PTAR1: variants seen among roughly 807,000 people sequenced by gnomAD.
PTAR1 encodes the protein protein prenyltransferase alpha subunit repeat-containing protein 1.
In PTAR1, 17 loss-of-function variants were observed where a neutral mutation model predicts 45.5. The ratio of observed to expected loss-of-function variants is 0.37; its 90% CI spans 0.26 to 0.56. The LOEUF is 0.56. Among genes scored for constraint, PTAR1 ranks in the 20% least tolerant of loss-of-function variants. The pLI, the probability that PTAR1 is intolerant of heterozygous loss-of-function variation, is 0.77. For synonymous variants in PTAR1, 169 were observed against 171.3 expected (o/e 0.99, Z 0.11); for missense variants, 391 against 476.3 (o/e 0.82, Z 1.67).
intron 4 of PTAR1, 118 bp downstream of exon 4, chr9:69,734,032 C>A (rs1469544850): frequency 1.6e-6 from 1 of 640,092 alleles, no homozygotes; most frequent in South Asian, 2.0e-5. Context: ...TGTAGGTAAC[C>A]TGACTTCAGA....
intron 1 of PTAR1, among the ~76,000 whole-genome samples, chr9:69,754,720 A>AT (rs1179192330): frequency 1.5e-3 from 39 of 26,644 alleles, no homozygotes; most frequent in East Asian, 7.3e-3. Flanking sequence ...ATATATATAT[A>AT]TATTTTTTTT....
intron 2 of PTAR1, 25 bp downstream of exon 2, chr9:69,750,756 T>C: frequency 6.4e-7 from 1 of 1,565,632 alleles, no homozygotes; most frequent in South Asian, 1.2e-5. Context: ...AAAAACCAAA[T>C]GAAGAAAATA....
In PTAR1 at chr9:69,754,532, C is replaced by CTTTTTTTTTTTTTT. The variant is rs60025062; in HGVS notation, c.87-3596_87-3583dup. 1.1e-3 allele frequency among the ~76,000 whole-genome samples: 87 copies of CTTTTTTTTTTTTTT among 76,266 alleles called. 4 individuals are homozygous for CTTTTTTTTTTTTTT. Among genetic ancestry groups the CTTTTTTTTTTTTTT allele is most frequent in the East Asian group, 4.9e-3 (12 of 2,472 alleles). 50.0% of individuals were successfully genotyped at this position (76,266 alleles called of 152,430 possible). On this transcript the variant is annotated intron_variant, in intron 1 of 7. Transcript: ENST00000340434. ...GCTATTAACATGTTTGGGTATATAT[C>CTTTTTTTTTTTTTT]TTTTTTTTTTTTTTTTTTTTTTTCC...
chr9:69,723,182 C>T lies in PTAR1; in HGVS notation c.947+144G>A. Reference sequence around the variant, plus strand: ...ATGACGATGATATGGTAACACAAAACCTCTTGTATTCACTCAGGCAAAGCT... The same window carrying T: ...ATGACGATGATATGGTAACACAAAATCTCTTGTATTCACTCAGGCAAAGCT... On this transcript the variant is annotated intron_variant, in intron 6 of 7. Transcript: ENST00000340434. 3 of 679,966 alleles carry T rather than the reference C, an allele frequency of 4.4e-6. No individual in the cohort carries two copies. In the South Asian group the frequency reaches 5.5e-5, roughly 12 times the overall value. The allele number at this position is 679,966 out of a possible 1,614,324, so 42.1% of individuals were successfully genotyped here.
intron 3 of PTAR1, among the ~76,000 whole-genome samples, chr9:69,739,266 G>A (rs1825932037): frequency 6.6e-6 from 1 of 152,052 alleles, no homozygotes; most frequent in Non-Finnish European, 1.5e-5. Context: ...TGAATCACTG[G>A]AGTTTGGCAT....
At position 69,719,990 on chromosome 9, in the gene PTAR1, A is replaced by C. The variant is rs965417145; in HGVS notation, c.948-1306T>G. ...TTCCCCCATCTCTCTCCCTCACCCC[A>C]GGCCTCCCTGTTCCCTGAGATACAA... On this transcript the variant is annotated intron_variant, in intron 6 of 7. Coordinates refer to ENST00000340434, the MANE Select transcript of PTAR1 (RefSeq NM_001099666.2). Among the ~76,000 whole-genome samples, 3 of 152,078 alleles carry C rather than the reference A, an allele frequency of 2.0e-5. No homozygotes were observed. The South Asian group carries it at 6.2e-4, about 31-fold the overall frequency.
intron 2 of PTAR1, among the ~76,000 whole-genome samples, chr9:69,745,817 T>C (rs1826250464): frequency 6.6e-6 from 1 of 152,220 alleles, no homozygotes; most frequent in South Asian, 2.1e-4. Context: ...TAGTACAGTC[T>C]CTGACATACA....
intron 4 of PTAR1, among the ~76,000 whole-genome samples, chr9:69,732,884 A>G (rs918079418): frequency 6.6e-6 from 1 of 152,332 alleles, no homozygotes; most frequent in South Asian, 2.1e-4. Context: ...TCATTAAACC[A>G]TTAAGAAGGT....
At chr9:69,731,930 C>T (rs1356564498) in intron 5 of PTAR1, 5 of 580,278 alleles carry the variant, frequency 8.6e-6, no homozygotes, top group African/African-American at 1.9e-5. Flanking sequence ...AATGCACTAG[C>T]CTTAAGACTG....
intron 5 of PTAR1, among the ~76,000 whole-genome samples, chr9:69,731,348 T>C (rs1588457292): frequency 1.3e-5 from 2 of 152,268 alleles, no homozygotes; most frequent in Middle Eastern, 6.8e-3. Context: ...CCTGAGAAGC[T>C]TTTTAGATGA....
chr9:69,759,470 G>A (rs938313121), intron 1 of PTAR1, among the ~76,000 whole-genome samples: 1 of 152,162 alleles, frequency 6.6e-6, no homozygotes, highest in African/African-American at 2.4e-5. Flanking sequence ...TGAATCTCAA[G>A]AGTTGTGTTT....
intron 1 of PTAR1, among the ~76,000 whole-genome samples, 160 bp from the exon 2 acceptor site, chr9:69,751,110 G>C (rs946912111): frequency 5.3e-5 from 8 of 152,058 alleles, no homozygotes; most frequent in African/African-American, 1.9e-4. Flanking sequence ...ATAGTGGCAA[G>C]AGTATGAGAA....
intron 5 of PTAR1, among the ~76,000 whole-genome samples, chr9:69,729,312 CCT>C (rs980173358): frequency 2.6e-5 from 4 of 151,904 alleles, no homozygotes; most frequent in African/African-American, 9.7e-5. Context: ...AGAGCAAAAC[CCT>C]GTCTCAAAAA....
At chr9:69,741,940 C>A in intron 2 of PTAR1, 82 bp from the exon 3 acceptor site, 1 of 809,646 alleles carries the variant, frequency 1.2e-6, no homozygotes, top group South Asian at 1.5e-5. Flanking sequence ...GGTTCTCTTT[C>A]TCTCTATCAC....
chr9:69,726,848 G>C (rs961091402), intron 5 of PTAR1, among the ~76,000 whole-genome samples: 1 of 150,978 alleles, frequency 6.6e-6, no homozygotes, highest in East Asian at 1.9e-4. Flanking sequence ...ACATATTAAA[G>C]ATATTAAGTC....
chr9:69,739,384 A>G (rs1588468516), intron 3 of PTAR1, among the ~76,000 whole-genome samples: 1 of 151,852 alleles, frequency 6.6e-6, no homozygotes, highest in Non-Finnish European at 1.5e-5. Context: ...GTAATTCACA[A>G]ATTTCCAAAG....
intron 3 of PTAR1, among the ~76,000 whole-genome samples, chr9:69,738,693 T>C (rs1271055522): frequency 1.3e-5 from 2 of 152,178 alleles, no homozygotes; most frequent in African/African-American, 4.8e-5. Context: ...CTTCCTGCTC[T>C]GGTCCTAGAA....
At chr9:69,757,735 G>C (rs925726612) in intron 1 of PTAR1, 2 of 142,632 alleles carry the variant, frequency 1.4e-5, no homozygotes, top group Non-Finnish European at 3.0e-5. Flanking sequence ...AGATACAAAC[G>C]TTACAGATAA....
At chr9:69,735,872 TAA>T (rs1825763807) in intron 3 of PTAR1, among the ~76,000 whole-genome samples, 2 of 151,276 alleles carry the variant, frequency 1.3e-5, no homozygotes, top group African/African-American at 4.8e-5. Context: ...ATACTATTTA[TAA>T]AGTTTTATTT....
Sources: allele counts gnomAD v4.1 joint callset (sites outside exome capture counted in the v4.1 genomes callset), GRCh38; gene constraint gnomAD v4.1.1; transcripts MANE v1.5; gene names NCBI Gene and HGNC (gene_info 2026-07-23, HGNC 2026-07-21).